SNTB2: variants seen among roughly 807,000 people sequenced by gnomAD.
The protein encoded by SNTB2 is syntrophin beta 2.
Under a neutral mutation model 46.2 loss-of-function variants are expected in SNTB2, and 34 were observed. The ratio of observed to expected loss-of-function variants is 0.74; its 90% CI spans 0.56 to 0.98. The LOEUF (loss-of-function observed/expected upper bound fraction) is 0.98. Ranked by LOEUF, SNTB2 falls within the 50% of genes least tolerant of loss-of-function variation. SNTB2 has a pLI of 0.00. For missense variants in SNTB2, 603 were observed against 731.4 expected, an observed-to-expected ratio of 0.82 and a Z score of 2.02; for synonymous variants, 290 against 312.6, an observed-to-expected ratio of 0.93 and a Z score of 0.76.
intron 5 of SNTB2, among the ~76,000 whole-genome samples, chr16:69,298,631 C>T (rs1965249387): frequency 6.8e-6 from 1 of 146,322 alleles, no homozygotes; most frequent in African/African-American, 2.5e-5. Context: ...AAGCAGTTAT[C>T]CTGCCTCAGC....
At chr16:69,222,687 A>T (rs1444602979) in intron 1 of SNTB2, among the ~76,000 whole-genome samples, 1 of 152,232 alleles carries the variant, frequency 6.6e-6, no homozygotes, top group Non-Finnish European at 1.5e-5. Context: ...GACACAAAAT[A>T]CATAGACAAA....
intron 4 of SNTB2, among the ~76,000 whole-genome samples, chr16:69,281,501 T>G (rs1244346766): frequency 2.1e-5 from 3 of 141,920 alleles, no homozygotes; most frequent in East Asian, 2.0e-4. Context: ...TTTTTTTTGT[T>G]TTTTTTTTTT....
intron 1 of SNTB2, among the ~76,000 whole-genome samples, chr16:69,209,847 C>T (rs1964261352): frequency 6.6e-6 from 1 of 151,900 alleles, no homozygotes; most frequent in Non-Finnish European, 1.5e-5. Context: ...AGTCCCCCAC[C>T]TCAAGATGTT....
Position 69,187,171 on chromosome 16 carries a change from G to T in SNTB2, c.5G>T (p.Arg2Met). The change falls in exon 1 of 7, where the codon AGG becomes ATG. Residue 2 changes from arginine to methionine, a missense_variant. Coordinates refer to ENST00000336278, the MANE Select transcript of SNTB2 (RefSeq NM_006750.4). MRVAAATAAAGA... is the reference protein window; with the variant it reads MMVAAATAAAGA... ...CGCCGAGGCTGCCTGACTGGAATGA[G>T]GGTAGCTGCGGCGACTGCGGCGGCT... 7.3e-7 allele frequency: 1 copy of T among 1,368,904 alleles called. No homozygotes were observed. The highest frequency in any genetic ancestry group is 9.4e-7 in the Non-Finnish European group (1 of 1,058,526). The allele number at this position is 1,368,904 out of a possible 1,614,324, so 84.8% of individuals were successfully genotyped here.
chr16:69,198,896 GTTTTTTTTTT>G (rs1206371769), intron 1 of SNTB2, among the ~76,000 whole-genome samples: 1 of 127,684 alleles, frequency 7.8e-6, no homozygotes, highest in African/African-American at 2.9e-5. Flanking sequence ...ATATAATAAT[GTTTTTTTTTT>G]TTTTTTTTTG....
rs540958775 is a variant in SNTB2 at position 69,267,618 on chromosome 16, G to A, written c.1006-2525G>A. ...TATTTTGCTTGAATTCTCAGAGTTA[G>A]GTTTTGTTTTTTTTGCTTTCAGCAC... On this transcript the variant is annotated intron_variant, in intron 3 of 6. Transcript: ENST00000336278. 4.6e-5 allele frequency among the ~76,000 whole-genome samples: 7 copies of A among 152,286 alleles called. No homozygotes were observed. The East Asian group carries it at 1.4e-3, about 29-fold the overall frequency.
intron 1 of SNTB2, among the ~76,000 whole-genome samples, chr16:69,215,155 G>T (rs1053609694): frequency 1.3e-5 from 2 of 152,168 alleles, no homozygotes; most frequent in African/African-American, 2.4e-5. Context: ...ACTGTGCCCG[G>T]CCTATTTTAA....
chr16:69,279,544 G>C (rs1352777119), intron 4 of SNTB2, among the ~76,000 whole-genome samples: 1 of 4,822 alleles, frequency 2.1e-4, no homozygotes, highest in African/African-American at 7.9e-4. Context: ...TTTTTTTTTT[G>C]AGACGGAATC....
intron 4 of SNTB2, 131 bp from the exon 5 acceptor site, chr16:69,283,917 T>C: frequency 1.3e-6 from 1 of 766,940 alleles, no homozygotes; most frequent in South Asian, 1.9e-5. Context: ...ACTATAATCT[T>C]GCTTTGAAAT....
intron 1 of SNTB2, among the ~76,000 whole-genome samples, chr16:69,225,807 AC>A (rs1397666728): frequency 6.6e-6 from 1 of 152,034 alleles, no homozygotes; most frequent in Non-Finnish European, 1.5e-5. Context: ...TCACTCTGTC[AC>A]CCAGGCTGGA....
intron 1 of SNTB2, among the ~76,000 whole-genome samples, chr16:69,217,195 C>T (rs1351699450): frequency 6.6e-6 from 1 of 151,978 alleles, no homozygotes; most frequent in African/African-American, 2.4e-5. Context: ...TCCTTTTTTC[C>T]CATTTTTAAA....
intron 1 of SNTB2, among the ~76,000 whole-genome samples, chr16:69,202,057 G>A (rs1964167612): frequency 6.6e-6 from 1 of 152,076 alleles, no homozygotes. Flanking sequence ...TTACCTGAGT[G>A]TCTGTGATGT....
rs759437074 is a variant in SNTB2 at position 69,284,247 on chromosome 16, A to G, written c.1345+3A>G. On this transcript the variant is annotated splice_donor_region_variant and intron_variant, in intron 5 of 6. Coordinates refer to ENST00000336278, the MANE Select transcript of SNTB2 (RefSeq NM_006750.4). The stretch of plus-strand genomic sequence containing the variant: ...GCTGATCAAGGAAGTCTCTCTAGGT[A>G]GAGATGCTGACTTTTTATTTCTAGT... The G allele has an allele frequency of 1.3e-6, 2 of 1,593,292 alleles. No homozygotes were observed. Among genetic ancestry groups the G allele is most frequent in the South Asian group, 1.1e-5 (1 of 88,798 alleles).
At chr16:69,279,718 C>T (rs568393686) in intron 4 of SNTB2, among the ~76,000 whole-genome samples, 3 of 150,756 alleles carry the variant, frequency 2.0e-5, no homozygotes, top group East Asian at 3.9e-4. Context: ...TTAATAGAGA[C>T]GGGGTTTCAC....
At chr16:69,257,682 T>C (rs1964792483) in intron 2 of SNTB2, among the ~76,000 whole-genome samples, 1 of 152,206 alleles carries the variant, frequency 6.6e-6, no homozygotes, top group East Asian at 1.9e-4. Flanking sequence ...GCTGACCTTG[T>C]TATCCACCTG....
rs1965322901 is a variant in SNTB2, at chr16:69,307,152, T to G, written c.*6228T>G. On this transcript the variant is annotated 3_prime_UTR_variant, in exon 7 of 7. Transcript: ENST00000336278. The stretch of plus-strand genomic sequence containing the variant: ...AGGGTCCAAAAGAAAGTTCCTGCCC[T>G]CTAGTAGCACATAATCCGTTATTTC... The G allele has an allele frequency of 6.6e-6, 1 of 152,228 alleles. No homozygotes were observed. The highest frequency in any genetic ancestry group is 1.5e-5 in the Non-Finnish European group (1 of 68,048). The allele number at this position is 152,228 out of a possible 1,614,324, so 9.4% of individuals were successfully genotyped here. A position where few individuals can be genotyped will look rare whatever the true frequency, so the allele number is the denominator to read the frequency against.
At chr16:69,260,751 C>G (rs1964826873) in intron 3 of SNTB2, among the ~76,000 whole-genome samples, 1 of 152,158 alleles carries the variant, frequency 6.6e-6, no homozygotes, top group African/African-American at 2.4e-5. Context: ...CATAGTTTCC[C>G]AACCCTTGTT....
intron 2 of SNTB2, among the ~76,000 whole-genome samples, chr16:69,254,396 C>T (rs1414108770): frequency 1.3e-5 from 2 of 152,184 alleles, no homozygotes; most frequent in African/African-American, 2.4e-5. Context: ...TCAGCTAAGT[C>T]ATTTAACTCC....
chr16:69,239,981 A>G (rs770267672), intron 1 of SNTB2, among the ~76,000 whole-genome samples: 1 of 152,168 alleles, frequency 6.6e-6, no homozygotes, highest in African/African-American at 2.4e-5. Context: ...TTATTTCTGA[A>G]TAGTGTTCTA....
Sources: gnomAD v4.1 joint callset for allele counts (sites outside exome capture counted in the v4.1 genomes callset) on GRCh38, gnomAD v4.1.1 for gene constraint, MANE v1.5 for transcripts, NCBI Gene and HGNC (gene_info 2026-07-23, HGNC 2026-07-21) for gene names.